Variants in LPP observed in about 807,000 individuals in gnomAD.
The protein encoded by LPP is LIM domain containing preferred translocation partner in lipoma, also known as lipoma-preferred partner.
LPP carries 38 observed loss-of-function variants against 60.4 expected under a neutral mutation model. The ratio of observed to expected loss-of-function variants is 0.63; its 90% CI spans 0.49 to 0.83. The LOEUF is 0.83. Ranked by LOEUF, LPP falls within the 40% of genes least tolerant of loss-of-function variation. LPP has a pLI of 0.00. For synonymous variants in LPP, 328 were observed against 290.8 expected, an observed-to-expected ratio of 1.13 and a Z score of -1.30; for missense variants, 902 against 783.6, an observed-to-expected ratio of 1.15 and a Z score of -1.80.
chr3:188,462,544 T>TATATATATATA lies in LPP; in HGVS notation c.194-22048_194-22047insATATATATATA, dbSNP rs1799236891. Among the ~76,000 whole-genome samples the TATATATATATA allele has an allele frequency of 1.8e-4, 6 of 34,206 alleles. 1 individual carries two copies. The highest frequency in any genetic ancestry group is 1.5e-3 in the South Asian group (1 of 682). The allele number at this position is 34,206 out of a possible 152,430, so 22.4% of individuals were successfully genotyped here. On this transcript the variant is annotated intron_variant, in intron 4 of 11. Coordinates refer to ENST00000617246, the MANE Select transcript of LPP (RefSeq NM_001375462.1). ...TAAATTTAGCCAATTTATATGAGCTTTATATATATATATATATATATATAT... is the reference window on the plus strand; with the variant it reads ...TAAATTTAGCCAATTTATATGAGCTTATATATATATATATATATATATATATATATATATAT...
chr3:188,482,745 A>G (rs1435571349), intron 4 of LPP, among the ~76,000 whole-genome samples: 1 of 152,250 alleles, frequency 6.6e-6, no homozygotes, highest in Non-Finnish European at 1.5e-5. Flanking sequence ...ATATGTACAA[A>G]TTATTTCCAC....
chr3:188,692,847 G>A (rs568533664), intron 7 of LPP, among the ~76,000 whole-genome samples: 103 of 152,316 alleles, frequency 6.8e-4, no homozygotes, highest in Admixed American at 2.5e-3. Context: ...GTTCTTCTCC[G>A]AATGACTTTC....
At chr3:188,687,947 T>C (rs1007818344) in intron 7 of LPP, among the ~76,000 whole-genome samples, 1 of 152,090 alleles carries the variant, frequency 6.6e-6, no homozygotes, top group African/African-American at 2.4e-5. Context: ...GCTAATTTTT[T>C]TGTATTTTTA....
chr3:188,234,294 T>C (rs1721123112), intron 2 of LPP, among the ~76,000 whole-genome samples: 1 of 152,078 alleles, frequency 6.6e-6, no homozygotes. Flanking sequence ...TGTGGTTCAG[T>C]TTTTCTCAGC....
intron 6 of LPP, chr3:188,569,138 A>T (rs1390341642): frequency 7.4e-6 from 1 of 134,906 alleles, no homozygotes; most frequent in Non-Finnish European, 1.6e-5. Flanking sequence ...AGTAAGTGGC[A>T]CAGAGAAAGA....
chr3:188,672,621 C>A (rs369565175), intron 7 of LPP, among the ~76,000 whole-genome samples: 1 of 152,164 alleles, frequency 6.6e-6, no homozygotes, highest in Non-Finnish European at 1.5e-5. Flanking sequence ...TGCTTCTTAA[C>A]CCTGGGCAGA....
At chr3:188,585,234 G>C (rs1837174108) in intron 6 of LPP, among the ~76,000 whole-genome samples, 1 of 152,186 alleles carries the variant, frequency 6.6e-6, no homozygotes, top group Admixed American at 6.5e-5. Context: ...TAAGCTTGTT[G>C]CCTTTAGCAT....
At chr3:188,202,207 T>C (rs536832861) in intron 1 of LPP, among the ~76,000 whole-genome samples, 1 of 152,180 alleles carries the variant, frequency 6.6e-6, no homozygotes, top group East Asian at 1.9e-4. Flanking sequence ...GTAATGCTTT[T>C]TGAATGAATG....
At position 188,877,765 on chromosome 3, in the gene LPP, A is replaced by G. The variant is rs1025797834; in HGVS notation, c.*3286A>G. The G allele has an allele frequency of 1.2e-4, 25 of 209,394 alleles. No homozygotes were observed. Among genetic ancestry groups the G allele is most frequent in the African/African-American group, 5.7e-4 (25 of 44,020 alleles). The allele number at this position is 209,394 out of a possible 1,614,324, so 13.0% of individuals were successfully genotyped here. A position where few individuals can be genotyped will look rare whatever the true frequency, so the allele number is the denominator to read the frequency against. ...AAAAAAACAAATAAATAAATAATCG[A>G]CTCAAAAATAAGTCATGTGTCCCAG... is the stretch of plus-strand genomic sequence containing the variant. On this transcript the variant is annotated 3_prime_UTR_variant, in exon 12 of 12. Transcript: ENST00000617246.
chr3:188,723,155 A>G (rs892678102), intron 8 of LPP, among the ~76,000 whole-genome samples: 16 of 152,214 alleles, frequency 1.1e-4, no homozygotes, highest in Admixed American at 1.3e-4. Context: ...TTTTGACTCA[A>G]ATTGAACAGG....
At chr3:188,556,920 A>G (rs1040347662) in intron 6 of LPP, among the ~76,000 whole-genome samples, 5 of 152,140 alleles carry the variant, frequency 3.3e-5, no homozygotes, top group African/African-American at 1.2e-4. Flanking sequence ...TCCTAAAATA[A>G]TAGTTAATGT....
chr3:188,512,282 A>G (rs1162144035), intron 5 of LPP, among the ~76,000 whole-genome samples: 1 of 152,106 alleles, frequency 6.6e-6, no homozygotes, highest in Non-Finnish European at 1.5e-5. Flanking sequence ...TCTCGGCCAG[A>G]CATGGTGGCT....
chr3:188,850,174 G>A (rs2151845215), intron 9 of LPP, among the ~76,000 whole-genome samples: 1 of 152,342 alleles, frequency 6.6e-6, no homozygotes, highest in Middle Eastern at 3.4e-3. Flanking sequence ...ATGGTAGAAT[G>A]AAACAGAGAA....
At chr3:188,514,806 TCTC>T (rs1306273278) in intron 5 of LPP, among the ~76,000 whole-genome samples, 4 of 152,168 alleles carry the variant, frequency 2.6e-5, no homozygotes, top group Non-Finnish European at 4.4e-5. Context: ...GCCCATCTAA[TCTC>T]CTTGTCACTG....
chr3:188,607,911 TA>T (rs901980746), intron 6 of LPP, among the ~76,000 whole-genome samples: 8 of 152,220 alleles, frequency 5.3e-5, no homozygotes, highest in African/African-American at 1.9e-4. Context: ...TTTTGAGACT[TA>T]AATGTCTGTA....
chr3:188,587,869 C>T (rs1837825385), intron 6 of LPP, among the ~76,000 whole-genome samples: 1 of 152,170 alleles, frequency 6.6e-6, no homozygotes, highest in Admixed American at 6.5e-5. Flanking sequence ...GTCCCCCAAC[C>T]CTACTTTGTA....
chr3:188,260,611 A>G (rs957953005), intron 2 of LPP, among the ~76,000 whole-genome samples: 1 of 152,168 alleles, frequency 6.6e-6, no homozygotes, highest in Non-Finnish European at 1.5e-5. Context: ...TCATGGCTGC[A>G]TAACGATTGA....
intron 5 of LPP, among the ~76,000 whole-genome samples, chr3:188,499,685 A>T (rs1811260356): frequency 1.3e-5 from 2 of 152,094 alleles, no homozygotes. Flanking sequence ...TTAAGTCTGG[A>T]TATCATATTG....
chr3:188,734,483 T>A (rs184960832), intron 8 of LPP, among the ~76,000 whole-genome samples: 1 of 152,210 alleles, frequency 6.6e-6, no homozygotes, highest in Non-Finnish European at 1.5e-5. Context: ...CAGAGTAGCA[T>A]TGGGGTTCCT....
Sources: gnomAD v4.1 joint callset for allele counts (sites outside exome capture counted in the v4.1 genomes callset) on GRCh38, gnomAD v4.1.1 for gene constraint, MANE v1.5 for transcripts, NCBI Gene and HGNC (gene_info 2026-07-23, HGNC 2026-07-21) for gene names.